Variants in RIMS1 observed in about 807,000 individuals in gnomAD.
RIMS1 encodes the protein regulating synaptic membrane exocytosis protein 1.
In RIMS1, 83 loss-of-function variants were observed where a neutral mutation model predicts 214.1. The observed-to-expected ratio is 0.39, with a 90% CI of 0.32 to 0.47. RIMS1 has a LOEUF of 0.47. RIMS1 is among the 20% of genes least tolerant of loss of function. The pLI, the probability that RIMS1 is intolerant of heterozygous loss-of-function variation, is 0.99. For missense variants in RIMS1, 2,050 were observed against 2,161.8 expected (o/e 0.95, Z 1.03); for synonymous variants, 793 against 786.8 (o/e 1.01, Z -0.13).
intron 2 of RIMS1, among the ~76,000 whole-genome samples, chr6:72,044,276 G>A (rs549357622): frequency 6.6e-6 from 1 of 151,632 alleles, no homozygotes; most frequent in East Asian, 1.9e-4. Flanking sequence ...GCTAAAACTA[G>A]AAAACTATTA....
At chr6:72,055,625 A>G (rs1182153129) in intron 2 of RIMS1, among the ~76,000 whole-genome samples, 1 of 152,072 alleles carries the variant, frequency 6.6e-6, no homozygotes, top group East Asian at 1.9e-4. Flanking sequence ...TCCATTCAGT[A>G]TGATGTTGGC....
At chr6:72,246,336 A>G (rs1293403566) in intron 11 of RIMS1, among the ~76,000 whole-genome samples, 1 of 152,200 alleles carries the variant, frequency 6.6e-6, no homozygotes, top group East Asian at 1.9e-4. Context: ...CATTAAACAT[A>G]ATAGGTCAAG....
At chr6:72,015,849 C>T (rs1812567396) in intron 2 of RIMS1, among the ~76,000 whole-genome samples, 1 of 152,078 alleles carries the variant, frequency 6.6e-6, no homozygotes, top group Admixed American at 6.6e-5. Flanking sequence ...TGGCATGAAC[C>T]CGGGAGGCAG....
intron 27 of RIMS1, among the ~76,000 whole-genome samples, chr6:72,308,033 ATATT>A (rs1309136220): frequency 1.3e-5 from 2 of 152,136 alleles, no homozygotes; most frequent in African/African-American, 4.8e-5. Context: ...ATTAAGGTAT[ATATT>A]TATAGTCTTA....
chr6:72,238,571 A>T (rs930620309), intron 9 of RIMS1, among the ~76,000 whole-genome samples: 9 of 152,230 alleles, frequency 5.9e-5, no homozygotes, highest in African/African-American at 2.2e-4. Flanking sequence ...ATAGTAACAC[A>T]TTTTAAAATC....
chr6:72,133,025 A>G (rs1048871996), intron 4 of RIMS1, among the ~76,000 whole-genome samples: 4 of 152,160 alleles, frequency 2.6e-5, no homozygotes, highest in Non-Finnish European at 5.9e-5. Context: ...TCACAGCACA[A>G]TTGCTCCAGG....
chr6:72,303,269 G>GT (rs2094815899), intron 26 of RIMS1, among the ~76,000 whole-genome samples: 1 of 150,554 alleles, frequency 6.6e-6, no homozygotes, highest in Non-Finnish European at 1.5e-5. Context: ...ATTTTTGAGG[G>GT]TTTTTTAAAG....
At chr6:72,335,943 T>G (rs1391113112) in intron 29 of RIMS1, among the ~76,000 whole-genome samples, 2 of 151,968 alleles carry the variant, frequency 1.3e-5, no homozygotes, top group Non-Finnish European at 2.9e-5. Flanking sequence ...GTAAATTTGT[T>G]TAAGTTCTTT....
chr6:72,239,343 G>A (rs1204060390), intron 9 of RIMS1, among the ~76,000 whole-genome samples: 3 of 152,122 alleles, frequency 2.0e-5, no homozygotes, highest in Admixed American at 2.0e-4. Flanking sequence ...TATGAGCCAA[G>A]AGCCTGAGAA....
chr6:71,955,984 A>G (rs1050017010), intron 1 of RIMS1, among the ~76,000 whole-genome samples: 1 of 152,130 alleles, frequency 6.6e-6, no homozygotes, highest in African/African-American at 2.4e-5. Context: ...TGTTATATAT[A>G]AGAGGAAAAG....
At chr6:72,366,688 G>C (rs116341774) in intron 29 of RIMS1, 2 of 985,368 alleles carry the variant, frequency 2.0e-6, no homozygotes, top group African/African-American at 3.5e-5. Flanking sequence ...GTGTCGGAGG[G>C]TGAGGGAGGA....
intron 6 of RIMS1, among the ~76,000 whole-genome samples, chr6:72,223,565 G>C (rs1406252503): frequency 6.6e-6 from 1 of 151,992 alleles, no homozygotes. Context: ...GGAAATAAGG[G>C]TAAAAATTAG....
chr6:71,992,277 T>C (rs1277782828), intron 2 of RIMS1, among the ~76,000 whole-genome samples: 2 of 152,132 alleles, frequency 1.3e-5, no homozygotes, highest in African/African-American at 4.8e-5. Context: ...TTGCCTCCAC[T>C]GCAGTGGAAT....
chr6:72,203,446 A>G (rs1259491173), intron 6 of RIMS1, among the ~76,000 whole-genome samples: 1 of 152,182 alleles, frequency 6.6e-6, no homozygotes, highest in Non-Finnish European at 1.5e-5. Context: ...ACTGGCATGA[A>G]GAAGGAAAGA....
Position 72,182,750 on chromosome 6 carries a change from G to A in RIMS1, c.1279G>A (p.Ala427Thr). 6.5e-7 allele frequency: 1 copy of A among 1,542,896 alleles called. No individual in the cohort carries two copies. The highest frequency in any genetic ancestry group is 1.2e-5 in the South Asian group (1 of 84,150). ...GGCCTCGCCGCCGGACTCGCCGCGG[G>A]CTTACTCGGCTGAGAGAACTGCGGA... ...ARASPPDSPR[A>T]YSAERTAETR... Residue 427 changes from alanine (A) to threonine (T), a missense_variant, in exon 6 of 34, where the codon GCT becomes ACT. Around this residue, in one of 6 missense-constraint regions of RIMS1, gnomAD observed 882 missense variants for 828.9 expected, o/e 1.06. Transcript: ENST00000521978.
intron 1 of RIMS1, among the ~76,000 whole-genome samples, chr6:71,922,807 G>GAT (rs2150777583): frequency 6.6e-6 from 1 of 152,298 alleles, no homozygotes; most frequent in African/African-American, 2.4e-5. Context: ...AGCAGAAATG[G>GAT]ATATTGCTGC....
intron 2 of RIMS1, among the ~76,000 whole-genome samples, chr6:72,037,989 A>T (rs1248450691): frequency 6.7e-6 from 1 of 148,964 alleles, no homozygotes; most frequent in Non-Finnish European, 1.5e-5. Context: ...GACGTGTACA[A>T]TGAAAGCGTT....
chr6:72,313,597 G>T lies in RIMS1; in HGVS notation c.4055G>T (p.Arg1352Leu). 6.2e-7 allele frequency: 1 copy of T among 1,613,624 alleles called. No individual in the cohort carries two copies. Among genetic ancestry groups the T allele is most frequent in the South Asian group, 1.1e-5 (1 of 91,002 alleles). Residue 1352 changes from arginine (R) to leucine (L), a missense_variant, in exon 28 of 34, where the codon CGA becomes CTA. Physicochemically the swap from Arg to Leu is moderately radical, Grantham distance 102. Transcript: ENST00000521978. ...GTCAGTGATGTTTCCGCCATTTCCC[G>T]AACCAGCAGTGCCTCACGCCTCAGC... ...SDVSDVSAIS[R>L]TSSASRLSST... is the part of the protein sequence containing the mutation.
chr6:72,215,306 A>G (rs1422118376), intron 6 of RIMS1, among the ~76,000 whole-genome samples: 1 of 152,208 alleles, frequency 6.6e-6, no homozygotes, highest in African/African-American at 2.4e-5. Context: ...ATAAAAGTAT[A>G]TCATTATAGG....
Sources: allele counts gnomAD v4.1 joint callset (sites outside exome capture counted in the v4.1 genomes callset), GRCh38; gene constraint gnomAD v4.1.1; regional missense constraint gnomAD v4.1.1; transcripts MANE v1.5; gene names NCBI Gene and HGNC (gene_info 2026-07-23, HGNC 2026-07-21).